PITPNM2: variants seen among roughly 807,000 people sequenced by gnomAD.
PITPNM2 encodes the protein membrane-associated phosphatidylinositol transfer protein 2.
In PITPNM2, 35 loss-of-function variants were observed where a neutral mutation model predicts 132.2. The ratio of observed to expected loss-of-function variants is 0.26; its 90% confidence interval spans 0.20 to 0.35. The LOEUF (loss-of-function observed/expected upper bound fraction) is 0.35, where lower values mean the gene tolerates loss of function less well. Ranked by LOEUF, PITPNM2 falls within the 10% of genes least tolerant of loss-of-function variation. The pLI is 1.00. For synonymous variants in PITPNM2, 738 were observed against 799.2 expected (o/e 0.92, Z 1.29); for missense variants, 1,332 against 1,912.0 (o/e 0.70, Z 5.66).
In PITPNM2 at chr12:123,117,805, A is replaced by G. The variant is rs1566300458; in HGVS notation, c.-199-7317T>C. ...GGCATGGTCCAATTTCCTCTCCCTA[A>G]ATCATATGTTTAGCCCCCTGGACTC... On this transcript the variant is annotated intron_variant, in intron 1 of 25. Transcript: ENST00000320201. The surrounding 1 kb of genome is among the most constrained non-coding windows in gnomAD (Gnocchi z 4.7). Among the ~76,000 whole-genome samples the G allele has an allele frequency of 6.6e-6, 1 of 152,098 alleles. No individual in the cohort carries two copies. The highest frequency in any genetic ancestry group is 1.5e-5 in the Non-Finnish European group (1 of 68,010).
intron 2 of PITPNM2, chr12:123,090,339 T>C (rs2042224213): frequency 6.6e-6 from 1 of 152,224 alleles, no homozygotes; most frequent in Admixed American, 6.5e-5. Flanking sequence ...CCAGAGAAAG[T>C]GATCCAAGAG....
intron 5 of PITPNM2, among the ~76,000 whole-genome samples, chr12:123,012,245 G>A (rs929880706): frequency 6.6e-6 from 1 of 152,182 alleles, no homozygotes; most frequent in Non-Finnish European, 1.5e-5. Flanking sequence ...TAGTGGGTAG[G>A]GCACCCACCA....
intron 2 of PITPNM2, chr12:123,089,627 C>T (rs927809551): frequency 6.6e-6 from 1 of 152,140 alleles, no homozygotes; most frequent in Non-Finnish European, 1.5e-5. Flanking sequence ...AAAAAGATCT[C>T]GAATACCCAT....
intron 2 of PITPNM2, among the ~76,000 whole-genome samples, chr12:123,061,617 G>A (rs1445430432): frequency 6.6e-6 from 1 of 152,234 alleles, no homozygotes; most frequent in Non-Finnish European, 1.5e-5. Context: ...GGTGGATGGT[G>A]GGAGTCATTG....
At chr12:123,089,962 G>A (rs1337246645) in intron 2 of PITPNM2, 1 of 152,234 alleles carries the variant, frequency 6.6e-6, no homozygotes, top group Non-Finnish European at 1.5e-5. Context: ...TGGAGCCGCA[G>A]AAAGGAAATC....
chr12:123,063,684 C>T (rs763592918), intron 2 of PITPNM2, among the ~76,000 whole-genome samples: 1 of 152,104 alleles, frequency 6.6e-6, no homozygotes, highest in Non-Finnish European at 1.5e-5. Context: ...CGAGACCAGG[C>T]TCCAGGTCTG....
intron 1 of PITPNM2, among the ~76,000 whole-genome samples, chr12:123,147,176 A>G (rs754380662): frequency 6.6e-5 from 10 of 152,118 alleles, no homozygotes; most frequent in Non-Finnish European, 1.0e-4. Flanking sequence ...CAGGAAGTCA[A>G]CCCTGACTGC....
intron 1 of PITPNM2, among the ~76,000 whole-genome samples, chr12:123,128,264 CAAAAAAAAAAAAAAAAAAAAAAAA>C (rs1170397011): frequency 0.025 from 574 of 22,758 alleles, 29 homozygotes; most frequent in Admixed American, 0.18. Flanking sequence ...CCCATCTCTA[CAAAAAAAAAAAAAAAAAAAAAAAA>C]AAAAAAAAAA....
intron 1 of PITPNM2, among the ~76,000 whole-genome samples, chr12:123,122,453 C>T (rs925644783): frequency 6.6e-6 from 1 of 152,050 alleles, no homozygotes; most frequent in Non-Finnish European, 1.5e-5. Context: ...CAGAACAAGG[C>T]TCCGTCTCCA....
At chr12:123,096,478 A>C (rs888745207) in intron 2 of PITPNM2, among the ~76,000 whole-genome samples, 1 of 152,198 alleles carries the variant, frequency 6.6e-6, no homozygotes, top group African/African-American at 2.4e-5. Context: ...TTCCTCACCC[A>C]ATGCCAGAAT....
chr12:122,988,191 C>A, intron 20 of PITPNM2, 43 bp downstream of exon 20: 1 of 1,516,102 alleles, frequency 6.6e-7, no homozygotes. Context: ...AGGCTGGTGA[C>A]AGGGTGACAT....
At chr12:123,129,357 A>G (rs2043213667) in intron 1 of PITPNM2, among the ~76,000 whole-genome samples, 2 of 152,162 alleles carry the variant, frequency 1.3e-5, no homozygotes, top group African/African-American at 4.8e-5. Context: ...TCACGAGGTC[A>G]GGAGATCGAG....
intron 2 of PITPNM2, among the ~76,000 whole-genome samples, chr12:123,056,941 G>A (rs893654970): frequency 5.3e-5 from 8 of 152,302 alleles, no homozygotes; most frequent in Non-Finnish European, 8.8e-5. Flanking sequence ...TGGGAGTAGA[G>A]GCCACCGATC....
At position 123,051,053 on chromosome 12, in the gene PITPNM2, A is replaced by T. The variant is rs374660837; in HGVS notation, c.-95-16368T>A. 2.6e-5 allele frequency among the ~76,000 whole-genome samples: 4 copies of T among 152,200 alleles called. No individual in the cohort carries two copies. The East Asian group carries it at 7.7e-4, about 29-fold the overall frequency. On this transcript the variant is annotated intron_variant, in intron 2 of 25. Coordinates refer to ENST00000320201, the MANE Select transcript of PITPNM2 (RefSeq NM_020845.3). ...AATATGAATGACACTCCCTTGAGTT[A>T]GGAAGTGCAGGGAAAGGACCTTGCA...
At chr12:123,057,662 C>T (rs2041081333) in intron 2 of PITPNM2, among the ~76,000 whole-genome samples, 1 of 152,156 alleles carries the variant, frequency 6.6e-6, no homozygotes, top group Admixed American at 6.5e-5. Flanking sequence ...ACCTGAAGCC[C>T]CAGGGCACAT....
chr12:123,059,014 T>G (rs938167469), intron 2 of PITPNM2, among the ~76,000 whole-genome samples: 1 of 152,158 alleles, frequency 6.6e-6, no homozygotes, highest in Admixed American at 6.5e-5. Context: ...TTCTGCATCT[T>G]CAGGGCCAAG....
chr12:122,986,594 C>G (rs780654719), intron 24 of PITPNM2, 30 bp from the exon 25 acceptor site: 1 of 1,599,346 alleles, frequency 6.3e-7, no homozygotes, highest in Non-Finnish European at 8.5e-7. Flanking sequence ...GGCACAGGCA[C>G]CATGGTCCCT....
Position 123,031,263 on chromosome 12 carries a change from A to G in PITPNM2, c.78+3250T>C, listed in dbSNP as rs1273719898. Among the ~76,000 whole-genome samples, 3 of 152,232 alleles carry G rather than the reference A, an allele frequency of 2.0e-5. No individual in the cohort carries two copies. The highest frequency in any genetic ancestry group is 4.4e-5 in the Non-Finnish European group (3 of 68,040). On this transcript the variant is annotated intron_variant, in intron 3 of 25. Coordinates refer to ENST00000320201, the MANE Select transcript of PITPNM2 (RefSeq NM_020845.3). The surrounding 1 kb of genome is among the most constrained non-coding windows in gnomAD (Gnocchi z 4.5). ...GATAGCCTGAGCCCCGTCCATGCAGACAGTAGGCAGGCCAGCGTTTTGCCC... is the reference window on the plus strand; with the variant it reads ...GATAGCCTGAGCCCCGTCCATGCAGGCAGTAGGCAGGCCAGCGTTTTGCCC...
intron 2 of PITPNM2, among the ~76,000 whole-genome samples, chr12:123,052,726 T>G (rs890457079): frequency 1.3e-4 from 20 of 152,108 alleles, no homozygotes; most frequent in Non-Finnish European, 2.6e-4. Flanking sequence ...ATAAATCCTA[T>G]TTGGTCATGC....
Sources: allele counts gnomAD v4.1 joint callset (sites outside exome capture counted in the v4.1 genomes callset), GRCh38; gene constraint gnomAD v4.1.1; non-coding constraint Gnocchi (gnomAD v3.1); transcripts MANE v1.5; gene names NCBI Gene and HGNC (gene_info 2026-07-23, HGNC 2026-07-21).